LHFPL3: variants seen among roughly 807,000 people sequenced by gnomAD.
The protein encoded by LHFPL3 is LHFPL tetraspan subfamily member 3.
A neutral mutation model predicts 19.3 loss-of-function variants in LHFPL3; 5 were observed. The ratio of observed to expected loss-of-function variants is 0.26; its 90% confidence interval spans 0.14 to 0.54. The LOEUF (loss-of-function observed/expected upper bound fraction) is 0.54, where lower values mean the gene tolerates loss of function less well. LHFPL3 is among the 20% of genes least tolerant of loss of function. The pLI is 0.94. For missense variants in LHFPL3, 249 were observed against 307.4 expected (o/e 0.81, Z 1.42); for synonymous variants, 133 against 126.2 (o/e 1.05, Z -0.36).
intron 2 of LHFPL3, among the ~76,000 whole-genome samples, chr7:104,867,979 A>G (rs1391570823): frequency 2.6e-5 from 4 of 152,232 alleles, no homozygotes; most frequent in Non-Finnish European, 5.9e-5. Context: ...GACAAAAACC[A>G]TATGATTATC....
intron 2 of LHFPL3, among the ~76,000 whole-genome samples, chr7:104,793,923 T>C (rs1174236249): frequency 6.6e-6 from 1 of 152,086 alleles, no homozygotes; most frequent in Non-Finnish European, 1.5e-5. Flanking sequence ...CAAGCAACAT[T>C]AGTCTAAGGT....
At chr7:104,807,039 G>GTGTGTC (rs1184337160) in intron 2 of LHFPL3, among the ~76,000 whole-genome samples, 2 of 141,786 alleles carry the variant, frequency 1.4e-5, no homozygotes, top group Non-Finnish European at 3.3e-5. Context: ...GTGTGTGTGT[G>GTGTGTC]TGTGTGTGTG....
chr7:104,781,876 T>C (rs1424226568), intron 2 of LHFPL3, among the ~76,000 whole-genome samples: 2 of 152,234 alleles, frequency 1.3e-5, no homozygotes, highest in African/African-American at 2.4e-5. Flanking sequence ...ACTACTTATT[T>C]TGCTTTGAAG....
At chr7:104,584,462 A>C (rs1455753031) in intron 1 of LHFPL3, among the ~76,000 whole-genome samples, 1 of 152,114 alleles carries the variant, frequency 6.6e-6, no homozygotes, top group Non-Finnish European at 1.5e-5. Flanking sequence ...GTATAATAAT[A>C]ATAAAATTTT....
intron 1 of LHFPL3, among the ~76,000 whole-genome samples, chr7:104,392,270 C>T (rs1791088199): frequency 6.6e-6 from 1 of 151,784 alleles, no homozygotes; most frequent in Non-Finnish European, 1.5e-5. Flanking sequence ...TGCCAGTTTT[C>T]AAAGGGAATG....
At chr7:104,646,671 A>G (rs1373245788) in intron 1 of LHFPL3, among the ~76,000 whole-genome samples, 1 of 152,250 alleles carries the variant, frequency 6.6e-6, no homozygotes, top group Non-Finnish European at 1.5e-5. Flanking sequence ...ATCAAACGTA[A>G]ACATAATTAT....
intron 1 of LHFPL3, among the ~76,000 whole-genome samples, chr7:104,484,842 G>A (rs1562912136): frequency 6.6e-6 from 1 of 152,078 alleles, no homozygotes; most frequent in Non-Finnish European, 1.5e-5. Context: ...CTCCTGCAAT[G>A]AATAACCCAC....
chr7:104,682,996 T>C (rs1331816901), intron 1 of LHFPL3, among the ~76,000 whole-genome samples: 1 of 152,072 alleles, frequency 6.6e-6, no homozygotes, highest in Non-Finnish European at 1.5e-5. Flanking sequence ...TTAATTACTA[T>C]TTTTTTTCCT....
intron 1 of LHFPL3, among the ~76,000 whole-genome samples, chr7:104,419,197 G>A (rs1205013957): frequency 1.3e-5 from 2 of 152,192 alleles, no homozygotes. Context: ...ATAAACTATG[G>A]ATGATGCTTT....
intron 1 of LHFPL3, among the ~76,000 whole-genome samples, chr7:104,657,006 CT>C (rs1792133328): frequency 6.6e-6 from 1 of 152,210 alleles, no homozygotes; most frequent in African/African-American, 2.4e-5. Context: ...CTCTCATTTA[CT>C]TTCTTTTGAA....
chr7:104,405,295 A>G (rs897409529), intron 1 of LHFPL3, among the ~76,000 whole-genome samples: 3 of 152,216 alleles, frequency 2.0e-5, no homozygotes, highest in African/African-American at 7.2e-5. Context: ...TCTATGATAT[A>G]AAAACTATTA....
chr7:104,408,607 G>A (rs1791467548), intron 1 of LHFPL3, among the ~76,000 whole-genome samples: 1 of 152,110 alleles, frequency 6.6e-6, no homozygotes, highest in Non-Finnish European at 1.5e-5. Context: ...CAAAAAGGAA[G>A]CCATCTGGCC....
chr7:104,673,484 G>T (rs1792526535), intron 1 of LHFPL3, among the ~76,000 whole-genome samples: 1 of 152,202 alleles, frequency 6.6e-6, no homozygotes, highest in Admixed American at 6.5e-5. Context: ...CTTCTGGCTG[G>T]TAGTTACTGT....
chr7:104,737,539 G>A (rs1272076566), intron 2 of LHFPL3, among the ~76,000 whole-genome samples: 6 of 152,068 alleles, frequency 3.9e-5, no homozygotes, highest in African/African-American at 7.2e-5. Context: ...AAACCAGGAT[G>A]GAAAATAGAA....
chr7:104,762,194 G>A (rs1794382236), intron 2 of LHFPL3, among the ~76,000 whole-genome samples: 1 of 152,142 alleles, frequency 6.6e-6, no homozygotes, highest in African/African-American at 2.4e-5. Context: ...GATATTTGCT[G>A]GAGTGGGAGG....
chr7:104,648,852 A>T (rs1791976693), intron 1 of LHFPL3, among the ~76,000 whole-genome samples: 1 of 152,234 alleles, frequency 6.6e-6, no homozygotes, highest in Admixed American at 6.5e-5. Flanking sequence ...CTTCATCGCC[A>T]TGCAGTGCTG....
rs1183733733 is a variant in LHFPL3, at chr7:104,332,223, C to CTTTTTTTTTTTT, written c.445+3012_445+3023dup. 5.8e-3 allele frequency among the ~76,000 whole-genome samples: 373 copies of CTTTTTTTTTTTT among 63,956 alleles called. 4 individuals are homozygous for CTTTTTTTTTTTT. The highest frequency in any genetic ancestry group is 7.0e-3 in the Non-Finnish European group (264 of 37,974). 42.0% of individuals were successfully genotyped at this position (63,956 alleles called of 152,430 possible). Reference sequence around the variant, plus strand: ...TAGAATATAAAATCCTATTTCTTTTCTTTTTTTTTTTTTTTTTTTTTTTTG... The same window carrying CTTTTTTTTTTTT: ...TAGAATATAAAATCCTATTTCTTTTCTTTTTTTTTTTTTTTTTTTTTTTTTTTTTTTTTTTTG... On this transcript the variant is annotated intron_variant, in intron 1 of 2. Transcript: ENST00000424859.
At chr7:104,826,630 C>A in intron 2 of LHFPL3, 1 of 155,280 alleles carries the variant, frequency 6.4e-6, no homozygotes, top group South Asian at 1.8e-4. Flanking sequence ...AAAGCCCTCT[C>A]CAATGGAATG....
chr7:104,706,798 T>C (rs529498305), intron 1 of LHFPL3, among the ~76,000 whole-genome samples: 1 of 152,182 alleles, frequency 6.6e-6, no homozygotes, highest in African/African-American at 2.4e-5. Flanking sequence ...GATATTTGTC[T>C]CCATGATGGC....
Sources: allele counts gnomAD v4.1 joint callset (sites outside exome capture counted in the v4.1 genomes callset), GRCh38; gene constraint gnomAD v4.1.1; transcripts MANE v1.5; gene names NCBI Gene and HGNC (gene_info 2026-07-23, HGNC 2026-07-21).